ABL1: variants seen among roughly 807,000 people sequenced by gnomAD.
ABL1 encodes the protein ABL proto-oncogene 1, non-receptor tyrosine kinase.
ABL1 carries 11 observed loss-of-function variants against 94.7 expected under a neutral mutation model. That is an observed-to-expected ratio of 0.12 (90% CI 0.07 to 0.19). ABL1 has a LOEUF of 0.19. Ranked by LOEUF, ABL1 falls within the 10% of genes least tolerant of loss-of-function variation. The pLI, the probability that ABL1 is intolerant of heterozygous loss-of-function variation, is 1.00. For missense variants in ABL1, 1,082 were observed against 1,489.4 expected, an observed-to-expected ratio of 0.73 and a Z score of 4.50; for synonymous variants, 656 against 622.4, an observed-to-expected ratio of 1.05 and a Z score of -0.80.
chr9:130,810,110 A>G (rs909371870), intron 1 of ABL1, among the ~76,000 whole-genome samples: 5 of 152,248 alleles, frequency 3.3e-5, no homozygotes, highest in African/African-American at 1.2e-4. Flanking sequence ...GAGACAGATT[A>G]TATAAGTAGT....
intron 1 of ABL1, among the ~76,000 whole-genome samples, chr9:130,838,459 C>G (rs1830621155): frequency 6.6e-6 from 1 of 151,938 alleles, no homozygotes; most frequent in South Asian, 2.1e-4. Flanking sequence ...GTAAGAAATC[C>G]TAAAAGGGTA....
rs1476525089 is a variant in ABL1 at position 130,880,985 on chromosome 9, G to A, written c.1678+321G>A. ...CGGCATCTGTGGTTGCTGTCTCAGA[G>A]CAGATTCAACAATAGTAAGCACCAG... On this transcript the variant is annotated intron_variant, in intron 10 of 10. Coordinates refer to ENST00000318560, the MANE Select transcript of ABL1 (RefSeq NM_005157.6). This position sits in a 1 kb window ranked among gnomAD's most constrained non-coding sequence, Gnocchi z 4.4. 6.6e-6 allele frequency among the ~76,000 whole-genome samples: 1 copy of A among 152,222 alleles called. No homozygotes were observed. The highest frequency in any genetic ancestry group is 2.1e-4 in the South Asian group (1 of 4,836).
chr9:130,815,684 C>T (rs923282536), intron 1 of ABL1, among the ~76,000 whole-genome samples: 5 of 152,094 alleles, frequency 3.3e-5, no homozygotes, highest in Non-Finnish European at 7.4e-5. Flanking sequence ...ATTTCTGTCT[C>T]GCCTCAGCTG....
intron 3 of ABL1, among the ~76,000 whole-genome samples, chr9:130,859,188 T>C (rs1359066820): frequency 6.6e-6 from 1 of 152,246 alleles, no homozygotes; most frequent in Non-Finnish European, 1.5e-5. Flanking sequence ...CCACACCTCA[T>C]TGACTTCTAT....
At chr9:130,714,478 G>A (rs1588207272) in intron 1 of ABL1, 1 of 1,614,042 alleles carries the variant, frequency 6.2e-7, no homozygotes, top group South Asian at 1.1e-5. Flanking sequence ...CAAAATTTCT[G>A]CTCATGGTTT....
chr9:130,724,001 C>T (rs1214705236), intron 1 of ABL1, among the ~76,000 whole-genome samples: 1 of 151,932 alleles, frequency 6.6e-6, no homozygotes, highest in East Asian at 1.9e-4. Flanking sequence ...TAGTAGAGAC[C>T]AGGTTTCACC....
At chr9:130,881,582 T>TC (rs1333412434) in intron 10 of ABL1, among the ~76,000 whole-genome samples, 8 of 152,064 alleles carry the variant, frequency 5.3e-5, no homozygotes, top group Admixed American at 3.3e-4. Flanking sequence ...GGGAGAAACC[T>TC]CCCCATGATT....
At chr9:130,856,094 T>G (rs1830970262) in intron 3 of ABL1, among the ~76,000 whole-genome samples, 1 of 152,092 alleles carries the variant, frequency 6.6e-6, no homozygotes, top group African/African-American at 2.4e-5. Flanking sequence ...TTTTGTTTGT[T>G]TATTTGTTTT....
intron 1 of ABL1, among the ~76,000 whole-genome samples, chr9:130,839,824 G>T (rs1588261363): frequency 6.6e-6 from 1 of 152,182 alleles, no homozygotes; most frequent in Non-Finnish European, 1.5e-5. Flanking sequence ...ATGCTCTTTA[G>T]TCCAGGCAGG....
At chr9:130,865,094 A>C (rs1461583837) in intron 4 of ABL1, among the ~76,000 whole-genome samples, 2 of 152,156 alleles carry the variant, frequency 1.3e-5, no homozygotes, top group Non-Finnish European at 2.9e-5. Flanking sequence ...TTCTTATATC[A>C]CTGAATCTAA....
intron 1 of ABL1, among the ~76,000 whole-genome samples, chr9:130,796,139 C>A (rs1265664347): frequency 1.3e-5 from 2 of 152,122 alleles, no homozygotes; most frequent in Non-Finnish European, 2.9e-5. Flanking sequence ...TGCCACTGCA[C>A]TCCAGCCTGG....
At chr9:130,853,822 AAACTATTGGGG>A (rs1436726499) in intron 1 of ABL1, among the ~76,000 whole-genome samples, 1 of 152,248 alleles carries the variant, frequency 6.6e-6, no homozygotes, top group African/African-American at 2.4e-5. Flanking sequence ...TTAGAAGCTC[AAACTATTGGGG>A]AACAATAATT....
chr9:130,724,148 C>T (rs904878753), intron 1 of ABL1, among the ~76,000 whole-genome samples: 3 of 152,138 alleles, frequency 2.0e-5, no homozygotes, highest in South Asian at 2.1e-4. Flanking sequence ...CTTGCTTTGT[C>T]GCCCAGGCTG....
At chr9:130,721,939 C>T (rs1164140255) in intron 1 of ABL1, among the ~76,000 whole-genome samples, 3 of 150,798 alleles carry the variant, frequency 2.0e-5, no homozygotes, top group Non-Finnish European at 2.9e-5. Flanking sequence ...CTCTTTCCTG[C>T]CTCAGCCTAA....
At chr9:130,834,775 C>T (rs1357683081), upstream of ABL1, 1 of 434,930 alleles carries the variant, frequency 2.3e-6, no homozygotes, top group Non-Finnish European at 4.7e-6. Flanking sequence ...ACTTCCTCCC[C>T]AGACACCCAC....
chr9:130,868,922 C>T (rs1039699691), intron 4 of ABL1, among the ~76,000 whole-genome samples: 1 of 152,128 alleles, frequency 6.6e-6, no homozygotes, highest in Non-Finnish European at 1.5e-5. Context: ...AATCCCAGCA[C>T]TCTGGGAGGC....
At chr9:130,750,050 G>A (rs140804723) in intron 1 of ABL1, among the ~76,000 whole-genome samples, 2,148 of 151,342 alleles carry the variant, frequency 0.014, 56 homozygotes, top group African/African-American at 0.049. Context: ...GTGTGGTGGT[G>A]CACGCCTGTG....
rs556849113 is a variant in ABL1 at position 130,835,662 on chromosome 9, TTCTC to T, written c.79+139_79+142del. ...TTGTCTTTTTTTTCTTTCTTCCCTC[TTCTC>T]TTCTCTTCTCTTCAGTTCTCTTATA... On this transcript the variant is annotated intron_variant, in intron 1 of 10. Coordinates refer to ENST00000318560, the MANE Select transcript of ABL1 (RefSeq NM_005157.6). The surrounding 1 kb of genome is among the most constrained non-coding windows in gnomAD (Gnocchi z 4.6). 1 of 12,152 alleles carries T rather than the reference TTCTC, an allele frequency of 8.2e-5. No individual in the cohort carries two copies. The highest frequency in any genetic ancestry group is 1.6e-4 in the Non-Finnish European group (1 of 6,158). 0.8% of individuals were successfully genotyped at this position (12,152 alleles called of 1,614,324 possible). A position where few individuals can be genotyped will look rare whatever the true frequency, so the allele number is the denominator to read the frequency against.
chr9:130,781,990 A>G (rs936066606), intron 1 of ABL1, among the ~76,000 whole-genome samples: 12 of 152,232 alleles, frequency 7.9e-5, no homozygotes, highest in African/African-American at 2.9e-4. Flanking sequence ...ATATATGTAC[A>G]TATACAGCTG....
Sources: gnomAD v4.1 joint callset for allele counts (sites outside exome capture counted in the v4.1 genomes callset) on GRCh38, gnomAD v4.1.1 for gene constraint, Gnocchi (gnomAD v3.1) non-coding constraint, MANE v1.5 for transcripts, NCBI Gene and HGNC (gene_info 2026-07-23, HGNC 2026-07-21) for gene names.